Variants in ACSS3 observed in about 807,000 individuals in gnomAD.
The protein encoded by ACSS3 is acyl-CoA synthetase short-chain family member 3, mitochondrial.
Under a neutral mutation model 84.2 loss-of-function variants are expected in ACSS3, and 64 were observed. That is an observed-to-expected ratio of 0.76 (90% confidence interval 0.62 to 0.94). The LOEUF (loss-of-function observed/expected upper bound fraction) is 0.94. Ranked by LOEUF, ACSS3 falls within the 40% of genes least tolerant of loss-of-function variation. ACSS3 has a pLI of 0.00. For missense variants in ACSS3, 815 were observed against 867.6 expected, an observed-to-expected ratio of 0.94 and a Z score of 0.76; for synonymous variants, 317 against 310.1, an observed-to-expected ratio of 1.02 and a Z score of -0.23.
At chr12:81,209,594 T>C (rs1330312785) in intron 9 of ACSS3, among the ~76,000 whole-genome samples, 4 of 152,108 alleles carry the variant, frequency 2.6e-5, no homozygotes, top group Admixed American at 2.0e-4. Flanking sequence ...GAAGGGGTTC[T>C]TGGACCTCAC....
chr12:81,259,584 GT>G lies in ACSS3; in HGVS notation c.*4666del, dbSNP rs1360335349. The G allele has an allele frequency of 1.5e-5, 23 of 1,501,966 alleles. No homozygotes were observed. The highest frequency in any genetic ancestry group is 3.4e-4 in the Middle Eastern group (2 of 5,918). The allele number at this position is 1,501,966 out of a possible 1,614,324, so 93.0% of individuals were successfully genotyped here. A position where few individuals can be genotyped will look rare whatever the true frequency, so the allele number is the denominator to read the frequency against. ...GACGTCATTATTTCCTTAGAATTCA[GT>G]TTTCACAAAGGTTTTCACTGCTCGT... On this transcript the variant is annotated 3_prime_UTR_variant, in exon 16 of 16. Transcript: ENST00000548058.
In ACSS3 at chr12:81,258,426, G is replaced by A. The variant is rs1049725361; in HGVS notation, c.*3504G>A. ...AGAAATTACTAATGACAGGTCTTGC[G>A]CTTAATAAGATCAAGCAGCAGAAAA... On this transcript the variant is annotated 3_prime_UTR_variant, in exon 16 of 16. Transcript: ENST00000548058. 6.6e-6 allele frequency: 1 copy of A among 152,002 alleles called. No homozygotes were observed. Among genetic ancestry groups the A allele is most frequent in the Non-Finnish European group, 1.5e-5 (1 of 68,012 alleles). The allele number at this position is 152,002 out of a possible 1,614,324, so 9.4% of individuals were successfully genotyped here.
intron 2 of ACSS3, among the ~76,000 whole-genome samples, chr12:81,111,899 G>A (rs1555246261): frequency 6.6e-6 from 1 of 152,168 alleles, no homozygotes; most frequent in Non-Finnish European, 1.5e-5. Flanking sequence ...GGGTTCAAAT[G>A]CTGGGCAGCT....
Position 81,206,228 on chromosome 12 carries a change from G to A in ACSS3, c.1354+6784G>A, listed in dbSNP as rs747059997. 4.6e-5 allele frequency among the ~76,000 whole-genome samples: 7 copies of A among 152,050 alleles called. 1 individual carries two copies. The highest frequency in any genetic ancestry group is 8.8e-5 in the Non-Finnish European group (6 of 67,978). ...GTCTATCAAAATTGCACTATGGTGGGAGGGTTTCTTTAAAGTACATGTCTG... is the reference window on the plus strand; with the variant it reads ...GTCTATCAAAATTGCACTATGGTGGAAGGGTTTCTTTAAAGTACATGTCTG... On this transcript the variant is annotated intron_variant, in intron 9 of 15. Transcript: ENST00000548058.
chr12:81,139,953 GGT>G (rs1886013497), intron 4 of ACSS3, among the ~76,000 whole-genome samples: 1 of 151,726 alleles, frequency 6.6e-6, no homozygotes, highest in Non-Finnish European at 1.5e-5. Context: ...TAATCTTCCT[GGT>G]AACTCTATTA....
At chr12:81,082,106 AGG>A (rs1881017458) in intron 1 of ACSS3, among the ~76,000 whole-genome samples, 1 of 152,298 alleles carries the variant, frequency 6.6e-6, no homozygotes, top group South Asian at 2.1e-4. Flanking sequence ...GTACATGTGC[AGG>A]TTTGTTATAT....
intron 13 of ACSS3, among the ~76,000 whole-genome samples, chr12:81,238,898 T>C (rs1316294202): frequency 6.6e-6 from 1 of 151,768 alleles, no homozygotes; most frequent in African/African-American, 2.4e-5. Context: ...TCTGCTTACT[T>C]TGAATTTAAT....
chr12:81,223,398 C>T (rs1354450533), intron 11 of ACSS3, among the ~76,000 whole-genome samples: 2 of 152,016 alleles, frequency 1.3e-5, no homozygotes, highest in Non-Finnish European at 2.9e-5. Context: ...TCAGTCACTG[C>T]GTTGCCATCT....
intron 8 of ACSS3, among the ~76,000 whole-genome samples, chr12:81,195,770 G>A (rs932086519): frequency 2.0e-5 from 3 of 151,976 alleles, no homozygotes; most frequent in African/African-American, 7.3e-5. Context: ...ACAATGACTA[G>A]TAATAGGTTA....
intron 9 of ACSS3, among the ~76,000 whole-genome samples, chr12:81,204,534 T>C (rs1405786503): frequency 1.3e-5 from 2 of 152,182 alleles, no homozygotes; most frequent in Admixed American, 6.6e-5. Flanking sequence ...ATGTTTAATG[T>C]TATTTAATCC....
intron 1 of ACSS3, among the ~76,000 whole-genome samples, chr12:81,098,195 G>A (rs574405323): frequency 4.7e-5 from 7 of 149,748 alleles, no homozygotes; most frequent in Admixed American, 2.7e-4. Context: ...TGTGCCCTGC[G>A]ATAGGATGGT....
chr12:81,151,933 G>A lies in ACSS3; in HGVS notation c.1002+9G>A. ...GACTTCAACCCGGAGAGGTAATCGT[G>A]GTTTTAAATTTACATTACATGACAT... On this transcript the variant is annotated intron_variant, in intron 6 of 15. Transcript: ENST00000548058. The A allele has an allele frequency of 6.2e-7, 1 of 1,613,456 alleles. No individual in the cohort carries two copies. The highest frequency in any genetic ancestry group is 8.5e-7 in the Non-Finnish European group (1 of 1,179,758).
At chr12:81,221,246 G>A (rs1333337139) in intron 11 of ACSS3, among the ~76,000 whole-genome samples, 1 of 152,020 alleles carries the variant, frequency 6.6e-6, no homozygotes, top group African/African-American at 2.4e-5. Context: ...TGATTAACAT[G>A]ATATTGACAT....
At chr12:81,147,130 CAA>C (rs1886379302) in intron 5 of ACSS3, among the ~76,000 whole-genome samples, 1 of 152,016 alleles carries the variant, frequency 6.6e-6, no homozygotes, top group Non-Finnish European at 1.5e-5. Flanking sequence ...TTCAGATCGA[CAA>C]AAAAATTATA....
intron 2 of ACSS3, among the ~76,000 whole-genome samples, chr12:81,128,782 T>C (rs1885286689): frequency 6.6e-6 from 1 of 152,182 alleles, no homozygotes; most frequent in South Asian, 2.1e-4. Context: ...ATAATACCTG[T>C]TTTCTTCTTT....
chr12:81,194,945 T>A (rs2031754791), intron 8 of ACSS3, among the ~76,000 whole-genome samples: 1 of 151,974 alleles, frequency 6.6e-6, no homozygotes, highest in South Asian at 2.1e-4. Flanking sequence ...GTATTTTAGT[T>A]TTTTAGTTGA....
chr12:81,211,960 C>T (rs1453099770), intron 9 of ACSS3, among the ~76,000 whole-genome samples: 2 of 152,150 alleles, frequency 1.3e-5, no homozygotes, highest in African/African-American at 4.8e-5. Context: ...ATGAACCGAC[C>T]TCAGGACCTC....
rs149835360 is a variant in ACSS3 at position 81,139,166 on chromosome 12, A to G, written c.681A>G (p.Glu227=). The change falls in exon 4 of 16, where the codon GAA becomes GAG. Residue 227 remains glutamate (E), a synonymous_variant. Transcript: ENST00000548058. Reference sequence around the variant, plus strand: ...TTGTTACAGCATCATTTGGCATTGAACCTGGAAGGAGGGTAGAGTACGTAC... The same window carrying G: ...TTGTTACAGCATCATTTGGCATTGAGCCTGGAAGGAGGGTAGAGTACGTAC... The part of the protein sequence containing the change: ...KVVVTASFGI[E]PGRRVEYVPL... The G allele has an allele frequency of 1.3e-4, 213 of 1,613,796 alleles. No individual in the cohort carries two copies. The African/African-American group carries it at 2.6e-3, about 19-fold the overall frequency.
intron 9 of ACSS3, among the ~76,000 whole-genome samples, chr12:81,203,644 ATTG>A (rs548430979): frequency 1.5e-3 from 226 of 152,276 alleles, no homozygotes; most frequent in Non-Finnish European, 1.4e-3. Flanking sequence ...TTAATAAAGA[ATTG>A]TTGTTGTTCA....
Sources: allele counts gnomAD v4.1 joint callset (sites outside exome capture counted in the v4.1 genomes callset), GRCh38; gene constraint gnomAD v4.1.1; transcripts MANE v1.5; gene names NCBI Gene and HGNC (gene_info 2026-07-23, HGNC 2026-07-21).